The following KHDRBS2 variants were observed in gnomAD, a reference collection of about 807,000 sequenced individuals.
The protein encoded by KHDRBS2 is KH domain-containing, RNA-binding, signal transduction-associated protein 2.
A neutral mutation model predicts 44.3 loss-of-function variants in KHDRBS2; 26 were observed. The ratio of observed to expected loss-of-function variants is 0.59; its 90% CI spans 0.43 to 0.81. The LOEUF (loss-of-function observed/expected upper bound fraction) is 0.81. Among genes scored for constraint, KHDRBS2 ranks in the 40% least tolerant of loss-of-function variants. The pLI is 0.00. For missense variants in KHDRBS2, 476 were observed against 433.1 expected (o/e 1.10, Z -0.88); for synonymous variants, 194 against 151.1 (o/e 1.28, Z -2.08).
the KHDRBS2 span, among the ~76,000 whole-genome samples, chr6:61,606,148 G>A: frequency 6.6e-6 from 1 of 152,036 alleles, no homozygotes; most frequent in East Asian, 1.9e-4. Flanking sequence ...TTATAAAAAG[G>A]CCCCACCCCT....
chr6:61,781,164 C>T (rs890429722), intron 6 of KHDRBS2, among the ~76,000 whole-genome samples: 5 of 152,066 alleles, frequency 3.3e-5, no homozygotes, highest in Non-Finnish European at 7.4e-5. Context: ...GATTTACATT[C>T]TAGTATCCCT....
At chr6:62,280,303 T>C (rs1427066678) in intron 1 of KHDRBS2, among the ~76,000 whole-genome samples, 1 of 152,114 alleles carries the variant, frequency 6.6e-6, no homozygotes, top group Non-Finnish European at 1.5e-5. Context: ...TTTAAATGAA[T>C]TACTGTGACA....
At chr6:62,030,095 C>T (rs756730706) in intron 3 of KHDRBS2, among the ~76,000 whole-genome samples, 1 of 151,844 alleles carries the variant, frequency 6.6e-6, no homozygotes, top group Non-Finnish European at 1.5e-5. Context: ...TCTGGAACAG[C>T]CACAAGAGAT....
intron 4 of KHDRBS2, among the ~76,000 whole-genome samples, chr6:61,956,487 C>A (rs948676080): frequency 9.2e-5 from 14 of 152,178 alleles, no homozygotes; most frequent in Non-Finnish European, 1.5e-4. Context: ...GCCAGTACAT[C>A]TTTTTTTACT....
chr6:61,591,300 T>C, the KHDRBS2 span, among the ~76,000 whole-genome samples: 2 of 152,122 alleles, frequency 1.3e-5, no homozygotes, highest in Non-Finnish European at 2.9e-5. Context: ...TGAAAATATA[T>C]AACAATTAAT....
intron 2 of KHDRBS2, among the ~76,000 whole-genome samples, chr6:62,162,124 T>A (rs1341057254): frequency 3.9e-5 from 6 of 152,092 alleles, no homozygotes; most frequent in African/African-American, 1.4e-4. Flanking sequence ...TACAAACCAT[T>A]GTTAAGATAA....
At chr6:62,263,146 C>T (rs1195214610) in intron 1 of KHDRBS2, among the ~76,000 whole-genome samples, 2 of 151,684 alleles carry the variant, frequency 1.3e-5, no homozygotes, top group Non-Finnish European at 3.0e-5. Flanking sequence ...ATTTTCCATG[C>T]CATTTGCAGT....
At chr6:61,920,995 T>G (rs1201077748) in intron 4 of KHDRBS2, among the ~76,000 whole-genome samples, 1 of 151,914 alleles carries the variant, frequency 6.6e-6, no homozygotes, top group African/African-American at 2.4e-5. Context: ...GATTACATAT[T>G]TCAAAATCAG....
At chr6:61,674,931 A>T in the KHDRBS2 span, among the ~76,000 whole-genome samples, 2 of 151,742 alleles carry the variant, frequency 1.3e-5, no homozygotes, top group East Asian at 3.9e-4. Flanking sequence ...TAGAGTACAT[A>T]TTTTTGGAGT....
At chr6:62,272,641 G>T (rs962237684) in intron 1 of KHDRBS2, among the ~76,000 whole-genome samples, 4 of 152,112 alleles carry the variant, frequency 2.6e-5, no homozygotes. Context: ...GTATCAAGAT[G>T]TTGGCAGTGA....
chr6:61,559,532 A>G, the KHDRBS2 span, among the ~76,000 whole-genome samples: 1 of 151,996 alleles, frequency 6.6e-6, no homozygotes, highest in Non-Finnish European at 1.5e-5. Flanking sequence ...ATTTTCTCTG[A>G]TGGTATGTTT....
intron 2 of KHDRBS2, among the ~76,000 whole-genome samples, chr6:62,169,883 A>T (rs189373854): frequency 1.3e-5 from 2 of 151,864 alleles, no homozygotes; most frequent in Non-Finnish European, 2.9e-5. Flanking sequence ...TGGGAGCAGT[A>T]AGATTGATCC....
chr6:61,640,342 G>C, the KHDRBS2 span, among the ~76,000 whole-genome samples: 2 of 152,034 alleles, frequency 1.3e-5, no homozygotes, highest in Non-Finnish European at 2.9e-5. Flanking sequence ...AAATGCCGTA[G>C]AATAATCTTT....
chr6:61,674,345 T>C, the KHDRBS2 span, among the ~76,000 whole-genome samples: 1 of 151,858 alleles, frequency 6.6e-6, no homozygotes, highest in Admixed American at 6.6e-5. Context: ...CTCTTTTTGA[T>C]CAAATTTATT....
rs565474770 is a variant in KHDRBS2 at position 62,070,815 on chromosome 6, T to C, written c.220-22821A>G. 1.8e-4 allele frequency among the ~76,000 whole-genome samples: 28 copies of C among 152,316 alleles called. No individual in the cohort carries two copies. In the East Asian group the frequency reaches 5.2e-3, roughly 28 times the overall value. On this transcript the variant is annotated intron_variant, in intron 2 of 8. Transcript: ENST00000281156. ...CAATAAACATACGTGTGCATGTGTC[T>C]TTATAGCAGCATGATTTATAATCCT... is the stretch of plus-strand genomic sequence containing the variant.
intron 6 of KHDRBS2, among the ~76,000 whole-genome samples, chr6:61,837,027 G>C (rs769746380): frequency 7.9e-5 from 12 of 151,868 alleles, no homozygotes; most frequent in Non-Finnish European, 1.5e-5. Context: ...TCCAAACCAG[G>C]GATCTAGGGG....
chr6:62,105,276 AG>A (rs1181754032), intron 2 of KHDRBS2, among the ~76,000 whole-genome samples: 1 of 152,236 alleles, frequency 6.6e-6, no homozygotes. Context: ...TCATTCAAAC[AG>A]GCTGGCATTA....
rs1349912066 is a variant in KHDRBS2, at chr6:61,732,778, AT to A, written c.811-15del. The A allele has an allele frequency of 7.6e-6, 11 of 1,453,400 alleles. No individual in the cohort carries two copies. The highest frequency in any genetic ancestry group is 1.1e-5 in the Non-Finnish European group (11 of 1,034,166). 90.0% of individuals were successfully genotyped at this position (1,453,400 alleles called of 1,614,324 possible). ...ATCATCATAACCCTGAGACAAAAAA[AT>A]GGTAGAAACACCTGTTAGTCAATTT... is the stretch of plus-strand genomic sequence containing the variant. On this transcript the variant is annotated splice_polypyrimidine_tract_variant and intron_variant, in intron 6 of 8. Coordinates refer to ENST00000281156, the MANE Select transcript of KHDRBS2 (RefSeq NM_152688.4).
chr6:62,074,994 TTTAG>T (rs1796051405), intron 2 of KHDRBS2, among the ~76,000 whole-genome samples: 2 of 151,962 alleles, frequency 1.3e-5, no homozygotes, highest in Non-Finnish European at 2.9e-5. Context: ...TTATTCTCTC[TTTAG>T]TTAAAATGAA....
Sources: allele counts gnomAD v4.1 joint callset (sites outside exome capture counted in the v4.1 genomes callset), GRCh38; gene constraint gnomAD v4.1.1; transcripts MANE v1.5; gene names NCBI Gene and HGNC (gene_info 2026-07-23, HGNC 2026-07-21).